Variants in OTOR observed in about 807,000 individuals in gnomAD.
OTOR encodes otoraplin.
A neutral mutation model predicts 15.9 loss-of-function variants in OTOR; 20 were observed. That is an observed-to-expected ratio of 1.26 (90% CI 0.89 to 1.83). The LOEUF (loss-of-function observed/expected upper bound fraction) is 1.83. OTOR is among the 40% of genes most tolerant of loss of function. The pLI is 0.00. For missense variants in OTOR, 184 were observed against 159.0 expected (o/e 1.16, Z -0.85); for synonymous variants, 53 against 54.2 (o/e 0.98, Z 0.09).
At chr20:16,750,442 T>C (rs771612976) in intron 3 of OTOR, among the ~76,000 whole-genome samples, 10 of 152,008 alleles carry the variant, frequency 6.6e-5, no homozygotes, top group Non-Finnish European at 1.3e-4. Flanking sequence ...AACATTAAGA[T>C]CTGCCCTCTT....
At position 16,751,082 on chromosome 20, in the gene OTOR, T is replaced by G; in HGVS notation, c.364-13T>G. 2 of 1,535,994 alleles carry G rather than the reference T, an allele frequency of 1.3e-6. No individual in the cohort carries two copies. Among genetic ancestry groups the G allele is most frequent in the Admixed American group, 4.1e-5 (2 of 49,108 alleles). On this transcript the variant is annotated splice_polypyrimidine_tract_variant and intron_variant, in intron 3 of 3. Transcript: ENST00000246081. ...ATTTCGTTCAATCTTTTTTTGTTTT[T>G]GTTTTTTTCCAGGATATTGACTTCT...
At position 16,752,040 on chromosome 20, in the gene OTOR, C is replaced by T. The variant is rs1338555235; in HGVS notation, c.*922C>T. ...ATGCAGGTTTTGTGGTCCTGATGGG[C>T]CCACAAGTTTTTCTATATTTAACTG... On this transcript the variant is annotated 3_prime_UTR_variant, in exon 4 of 4. Transcript: ENST00000246081. 6.6e-6 allele frequency: 1 copy of T among 152,044 alleles called. No individual in the cohort carries two copies. 9.4% of individuals were successfully genotyped at this position (152,044 alleles called of 1,614,324 possible).
chr20:16,749,574 C>T lies in OTOR; in HGVS notation c.256-329C>T, dbSNP rs1600230673. 11 of 252,388 alleles carry T rather than the reference C, an allele frequency of 4.4e-5. No individual in the cohort carries two copies. In the East Asian group the frequency reaches 8.6e-4, roughly 20 times the overall value. The allele number at this position is 252,388 out of a possible 1,614,324, so 15.6% of individuals were successfully genotyped here. On this transcript the variant is annotated intron_variant, in intron 2 of 3. Transcript: ENST00000246081. ...AATTTGCATCATTTAAAATAAGTGT[C>T]TACAGTACTTTAAAAAAATGTACTG...
chr20:16,749,383 G>C (rs17686504), intron 2 of OTOR: 89 of 171,564 alleles, frequency 5.2e-4, no homozygotes, highest in African/African-American at 2.0e-3. Flanking sequence ...TAATTCGAAA[G>C]AATCAGCGTT....
intron 3 of OTOR, 69 bp downstream of exon 3, chr20:16,750,079 C>T (rs1466590034): frequency 8.2e-6 from 8 of 977,246 alleles, no homozygotes; most frequent in East Asian, 2.6e-5. Context: ...GTTAAAAATG[C>T]ATCATGCAAC....
At chr20:16,750,575 T>G (rs1348600214) in intron 3 of OTOR, among the ~76,000 whole-genome samples, 1 of 152,210 alleles carries the variant, frequency 6.6e-6, no homozygotes, top group Non-Finnish European at 1.5e-5. Flanking sequence ...TGGTTTTCAC[T>G]AAAGATAGGC....
Position 16,751,105 on chromosome 20 carries a change from T to C in OTOR, c.374T>C (p.Phe125Ser). The C allele has an allele frequency of 6.5e-7, 1 of 1,545,916 alleles. No homozygotes were observed. The highest frequency in any genetic ancestry group is 1.2e-5 in the South Asian group (1 of 81,984). The change falls in exon 4 of 4, where the codon TTC becomes TCC. Residue 125 changes from phenylalanine (F) to serine (S), a missense_variant. By Grantham distance (155) the Phe-to-Ser change is radical. Transcript: ENST00000246081. ...TTTGTTTTTTTCCAGGATATTGACT[T>C]CTTCTGCGAGTAATAAATTAGTTAA... ...TKEVPTTDIDFFCE is the reference protein window; with the variant it reads ...TKEVPTTDIDSFCE
At chr20:16,749,786 T>G in intron 2 of OTOR, 117 bp from the exon 3 acceptor site, 4 of 680,142 alleles carry the variant, frequency 5.9e-6, no homozygotes, top group South Asian at 1.8e-5. Flanking sequence ...GACCCCGGAG[T>G]GAAAGGGAGG....
intron 2 of OTOR, 155 bp from the exon 3 acceptor site, chr20:16,749,748 A>G (rs2072515984): frequency 1.7e-6 from 1 of 595,772 alleles, no homozygotes; most frequent in African/African-American, 1.9e-5. Flanking sequence ...GCTCCAAGTA[A>G]ACTTCGGATT....
intron 3 of OTOR, 39 bp downstream of exon 3, chr20:16,750,049 T>C (rs753259822): frequency 5.9e-6 from 8 of 1,348,996 alleles, no homozygotes; most frequent in Admixed American, 1.7e-5. Flanking sequence ...GACTCAGATC[T>C]TGGGGCAATG....
chr20:16,749,718 T>C, intron 2 of OTOR, 185 bp from the exon 3 acceptor site: 1 of 575,808 alleles, frequency 1.7e-6, no homozygotes, highest in South Asian at 2.2e-5. Flanking sequence ...AGATGCACAA[T>C]TCCTGCGGGT....
chr20:16,751,378 T>C lies in OTOR; in HGVS notation c.*260T>C. 1 of 435,294 alleles carries C rather than the reference T, an allele frequency of 2.3e-6. No homozygotes were observed. Among genetic ancestry groups the C allele is most frequent in the Non-Finnish European group, 4.1e-6 (1 of 246,418 alleles). The allele number at this position is 435,294 out of a possible 1,614,324, so 27.0% of individuals were successfully genotyped here. On this transcript the variant is annotated 3_prime_UTR_variant, in exon 4 of 4. Transcript: ENST00000246081. The stretch of plus-strand genomic sequence containing the variant: ...AATGGGTAAATTGAGACCAGAAAAT[T>C]ATTTTTTCAACCTAGAGAATCTCCT...
At position 16,751,280 on chromosome 20, in the gene OTOR, G is replaced by C; in HGVS notation, c.*162G>C. ...GGGTTGGAGGTGGCAGATAAAAGAG[G>C]ATTTTCAACTCAAATCTTGTTTCCT... On this transcript the variant is annotated 3_prime_UTR_variant, in exon 4 of 4. Transcript: ENST00000246081. 1 of 575,074 alleles carries C rather than the reference G, an allele frequency of 1.7e-6. No individual in the cohort carries two copies. The highest frequency in any genetic ancestry group is 3.0e-6 in the Non-Finnish European group (1 of 331,550). The allele number at this position is 575,074 out of a possible 1,614,324, so 35.6% of individuals were successfully genotyped here. A position where few individuals can be genotyped will look rare whatever the true frequency, so the allele number is the denominator to read the frequency against.
chr20:16,748,503 T>G lies in OTOR; in HGVS notation c.102T>G (p.Asp34Glu), dbSNP rs534633227. 1 of 1,600,046 alleles carries G rather than the reference T, an allele frequency of 6.2e-7. No homozygotes were observed. Among genetic ancestry groups the G allele is most frequent in the African/African-American group, 1.3e-5 (1 of 74,764 alleles). The change falls in exon 1 of 4, where the codon GAT (aspartate) becomes GAG (glutamate). Residue 34 changes from aspartate to glutamate, a missense_variant. By Grantham distance (45) the Asp-to-Glu change is conservative. Coordinates refer to ENST00000246081, the MANE Select transcript of OTOR (RefSeq NM_020157.4). ...TAGCTTCCAAGAAGCTCTGTGCAGA[T>G]GATGAGTGTGTCTGTAAGGACTTTT... Reference protein sequence around the residue: ...DRLASKKLCADDECVYTISLA... With the variant: ...DRLASKKLCAEDECVYTISLA...
At position 16,749,085 on chromosome 20, in the gene OTOR, C is replaced by T. The variant is rs2072512133; in HGVS notation, c.255+79C>T. ...TACCTACCTTCAACCTATTTTAATG[C>T]TTAATACTAGTTGTTAAGAACCATG... On this transcript the variant is annotated intron_variant, in intron 2 of 3. Transcript: ENST00000246081. 4.8e-6 allele frequency: 5 copies of T among 1,032,014 alleles called. No homozygotes were observed. The African/African-American group carries it at 5.0e-5, about 10-fold the overall frequency. The allele number at this position is 1,032,014 out of a possible 1,614,324, so 63.9% of individuals were successfully genotyped here.
Position 16,749,992 on chromosome 20 carries a change from CAAG to C in OTOR, c.346_348del (p.Lys116del), listed in dbSNP as rs753579899. On this transcript the variant is annotated inframe_deletion, in exon 3 of 4. Coordinates refer to ENST00000246081, the MANE Select transcript of OTOR (RefSeq NM_020157.4). ...AACAGCGTGTGTACCAGGAAGCTACCAAGGAAGTTCCCACCACGGTAAGCATCT... is the reference window on the plus strand; with the variant it reads ...AACAGCGTGTGTACCAGGAAGCTACCGAAGTTCCCACCACGGTAAGCATCT... 1 of 1,610,984 alleles carries C rather than the reference CAAG, an allele frequency of 6.2e-7. No individual in the cohort carries two copies. The highest frequency in any genetic ancestry group is 1.1e-5 in the South Asian group (1 of 90,954).
intron 3 of OTOR, 42 bp downstream of exon 3, chr20:16,750,052 G>C (rs754975864): frequency 7.8e-7 from 1 of 1,281,310 alleles, no homozygotes; most frequent in Non-Finnish European, 1.1e-6. Flanking sequence ...TCAGATCTTG[G>C]GGCAATGTAG....
chr20:16,749,497 A>T (rs1212982133), intron 2 of OTOR: 1 of 176,612 alleles, frequency 5.7e-6, no homozygotes, highest in East Asian at 1.6e-4. Context: ...TTAATGAAGG[A>T]TTAAATTTAA....
At position 16,751,250 on chromosome 20, in the gene OTOR, C is replaced by CTTAGGGG; in HGVS notation, c.*135_*141dup. On this transcript the variant is annotated 3_prime_UTR_variant, in exon 4 of 4. Transcript: ENST00000246081. ...TTGTTACCTTACAGAAGAGCAAGGGCTTAGGGGTTGGAGGTGGCAGATAAA... is the reference window on the plus strand; with the variant it reads ...TTGTTACCTTACAGAAGAGCAAGGGCTTAGGGGTTAGGGGTTGGAGGTGGCAGATAAA... 1 of 642,246 alleles carries CTTAGGGG rather than the reference C, an allele frequency of 1.6e-6. No homozygotes were observed. The allele number at this position is 642,246 out of a possible 1,614,324, so 39.8% of individuals were successfully genotyped here.
Sources: allele counts gnomAD v4.1 joint callset (sites outside exome capture counted in the v4.1 genomes callset), GRCh38; gene constraint gnomAD v4.1.1; transcripts MANE v1.5; gene names NCBI Gene and HGNC (gene_info 2026-07-23, HGNC 2026-07-21).